GBE1: variants seen among roughly 807,000 people sequenced by gnomAD.
GBE1 encodes 1,4-alpha-glucan-branching enzyme.
Under a neutral mutation model 88.8 loss-of-function variants are expected in GBE1, and 70 were observed. The ratio of observed to expected loss-of-function variants is 0.79; its 90% CI spans 0.65 to 0.96. GBE1 has a LOEUF of 0.96. Among genes scored for constraint, GBE1 ranks in the 40% least tolerant of loss-of-function variants. GBE1 has a pLI of 0.00. For synonymous variants in GBE1, 284 were observed against 300.1 expected (o/e 0.95, Z 0.56); for missense variants, 872 against 871.0 (o/e 1.00, Z -0.01).
At chr3:81,624,276 A>G (rs186167864) in intron 7 of GBE1, among the ~76,000 whole-genome samples, 2 of 152,318 alleles carry the variant, frequency 1.3e-5, no homozygotes, top group East Asian at 1.9e-4. Flanking sequence ...CCATGATTCA[A>G]TTACCTCCAC....
At chr3:81,571,857 T>G (rs1165439334) in intron 12 of GBE1, among the ~76,000 whole-genome samples, 1 of 152,140 alleles carries the variant, frequency 6.6e-6, no homozygotes, top group Non-Finnish European at 1.5e-5. Context: ...AGTAAGCTAT[T>G]GATAAAAAAG....
intron 2 of GBE1, among the ~76,000 whole-genome samples, chr3:81,701,063 G>T (rs2107161271): frequency 6.6e-6 from 1 of 152,260 alleles, no homozygotes; most frequent in Non-Finnish European, 1.5e-5. Context: ...AAAACTCCAA[G>T]TGTATTTTAA....
intron 7 of GBE1, among the ~76,000 whole-genome samples, chr3:81,639,525 C>T (rs1465992478): frequency 6.6e-6 from 1 of 151,738 alleles, no homozygotes; most frequent in Non-Finnish European, 1.5e-5. Context: ...AAGGGAGGGG[C>T]GTTAAGGAAT....
intron 1 of GBE1, among the ~76,000 whole-genome samples, chr3:81,737,452 A>G: frequency 7.8e-6 from 1 of 127,626 alleles, no homozygotes. Flanking sequence ...AAAATTATAT[A>G]TATATAAAAA....
intron 14 of GBE1, among the ~76,000 whole-genome samples, chr3:81,504,284 T>C (rs575252560): frequency 6.6e-6 from 1 of 151,190 alleles, no homozygotes; most frequent in Non-Finnish European, 1.5e-5. Flanking sequence ...TCAGATAAAA[T>C]GATATCCATC....
At chr3:81,752,737 C>G (rs1706546691) in intron 1 of GBE1, among the ~76,000 whole-genome samples, 1 of 152,014 alleles carries the variant, frequency 6.6e-6, no homozygotes, top group Admixed American at 6.6e-5. Context: ...TTCACACAAT[C>G]ACTCCTACTA....
chr3:81,645,192 C>T (rs866059702), intron 6 of GBE1, among the ~76,000 whole-genome samples: 2 of 152,106 alleles, frequency 1.3e-5, no homozygotes, highest in East Asian at 1.9e-4. Flanking sequence ...GAGATCCTCC[C>T]GAATATTTCA....
intron 15 of GBE1, among the ~76,000 whole-genome samples, chr3:81,493,834 G>T (rs1702468452): frequency 6.8e-6 from 1 of 147,600 alleles, no homozygotes; most frequent in Non-Finnish European, 1.5e-5. Context: ...ATCCGAGAGG[G>T]TTTTTTTTTT....
intron 7 of GBE1, among the ~76,000 whole-genome samples, chr3:81,629,018 G>GTTTTTTTTTTTTTTTT (rs34707682): frequency 1.1e-4 from 11 of 98,002 alleles, no homozygotes; most frequent in Non-Finnish European, 1.7e-4. Flanking sequence ...TTATGTTTAA[G>GTTTTTTTTTTTTTTTT]TTTTTTTTTT....
At chr3:81,644,279 A>G (rs1304661345) in intron 6 of GBE1, among the ~76,000 whole-genome samples, 1 of 152,154 alleles carries the variant, frequency 6.6e-6, no homozygotes, top group African/African-American at 2.4e-5. Flanking sequence ...AACAAAGAAA[A>G]GCCACTGGTG....
At position 81,667,320 on chromosome 3, in the gene GBE1, G is replaced by T. The variant is rs143370974; in HGVS notation, c.429+3518C>A. The stretch of plus-strand genomic sequence containing the variant: ...TGTATCCTGAGACTCCACTGAAGTT[G>T]CTTATCAGCTAAAGGAGTTTTGGGG... On this transcript the variant is annotated intron_variant, in intron 3 of 15. Coordinates refer to ENST00000429644, the MANE Select transcript of GBE1 (RefSeq NM_000158.4). Among the ~76,000 whole-genome samples, 27 of 152,260 alleles carry T rather than the reference G, an allele frequency of 1.8e-4. No homozygotes were observed. The East Asian group carries it at 4.8e-3, about 27-fold the overall frequency.
intron 5 of GBE1, among the ~76,000 whole-genome samples, chr3:81,647,303 A>G (rs1158395361): frequency 1.3e-5 from 2 of 152,098 alleles, no homozygotes. Flanking sequence ...TCTACTTTCC[A>G]CTACATAATT....
chr3:81,524,305 T>C (rs1465790572), intron 14 of GBE1, among the ~76,000 whole-genome samples: 6 of 151,912 alleles, frequency 3.9e-5, no homozygotes, highest in African/African-American at 1.2e-4. Context: ...TTGAGATGTA[T>C]ATTCAGATCT....
At chr3:81,725,149 T>C (rs1167656809) in intron 1 of GBE1, among the ~76,000 whole-genome samples, 5 of 152,200 alleles carry the variant, frequency 3.3e-5, no homozygotes, top group Admixed American at 2.6e-4. Context: ...GCTAAATTTA[T>C]ATTTAAACAT....
chr3:81,525,614 C>A (rs1285445787), intron 14 of GBE1, among the ~76,000 whole-genome samples: 4 of 152,022 alleles, frequency 2.6e-5, no homozygotes, highest in Admixed American at 1.3e-4. Flanking sequence ...ATGGTACCAG[C>A]TTGTCCTTGT....
rs751466558 is a variant in GBE1, at chr3:81,578,015, T to A, written c.1528A>T (p.Thr510Ser). The change falls in exon 12 of 16, where the codon ACT (threonine) becomes TCT (serine). Residue 510 changes from threonine to serine, a missense_variant. Physicochemically the swap from Thr to Ser is moderately conservative, Grantham distance 58. Coordinates refer to ENST00000429644, the MANE Select transcript of GBE1 (RefSeq NM_000158.4). ...YTNMSVLTPF[T>S]PVIDRGIQLH... Reference sequence around the variant, plus strand: ...TGTATTCCACGATCAATAACTGGAGTAAAAGGAGTCAGGACACTCATGTTT... The same window carrying A: ...TGTATTCCACGATCAATAACTGGAGAAAAAGGAGTCAGGACACTCATGTTT... 2 of 1,609,216 alleles carry A rather than the reference T, an allele frequency of 1.2e-6. No individual in the cohort carries two copies. Among genetic ancestry groups the A allele is most frequent in the Admixed American group, 1.7e-5 (1 of 59,172 alleles).
chr3:81,517,064 C>G (rs1214614270), intron 14 of GBE1, among the ~76,000 whole-genome samples: 1 of 151,466 alleles, frequency 6.6e-6, no homozygotes, highest in East Asian at 1.9e-4. Context: ...AGGATTCACT[C>G]TAATTTTGAA....
intron 1 of GBE1, among the ~76,000 whole-genome samples, chr3:81,725,756 A>C (rs554286515): frequency 4.6e-5 from 7 of 152,286 alleles, no homozygotes; most frequent in African/African-American, 1.7e-4. Flanking sequence ...TGTGATAAAC[A>C]TTTTTTCAGC....
intron 12 of GBE1, among the ~76,000 whole-genome samples, chr3:81,559,786 C>T (rs566683815): frequency 6.6e-6 from 1 of 152,014 alleles, no homozygotes; most frequent in African/African-American, 2.4e-5. Flanking sequence ...AAAAGGAGTA[C>T]ACCATCAAAC....
Sources: allele counts gnomAD v4.1 joint callset (sites outside exome capture counted in the v4.1 genomes callset), GRCh38; gene constraint gnomAD v4.1.1; transcripts MANE v1.5; gene names NCBI Gene and HGNC (gene_info 2026-07-23, HGNC 2026-07-21).